The following TENM2 variants were observed in gnomAD, a reference collection of about 807,000 sequenced individuals.
TENM2 encodes the protein teneurin-2.
TENM2 carries 52 observed loss-of-function variants against 245.2 expected under a neutral mutation model. That is an observed-to-expected ratio of 0.21 (90% CI 0.17 to 0.27). The LOEUF (loss-of-function observed/expected upper bound fraction) is 0.27. Among genes scored for constraint, TENM2 ranks in the 10% least tolerant of loss-of-function variants. The pLI is 1.00. For synonymous variants in TENM2, 1,363 were observed against 1,438.9 expected, an observed-to-expected ratio of 0.95 and a Z score of 1.19; for missense variants, 3,046 against 3,666.8, an observed-to-expected ratio of 0.83 and a Z score of 4.37.
At chr5:167,983,550 G>A (rs192660318) in intron 4 of TENM2, among the ~76,000 whole-genome samples, 114 of 152,302 alleles carry the variant, frequency 7.5e-4, no homozygotes, top group Admixed American at 3.9e-3. Context: ...GAAAGGTTCA[G>A]GGATGAGAAA....
chr5:168,002,862 T>C (rs996737766), intron 5 of TENM2, among the ~76,000 whole-genome samples: 26 of 152,250 alleles, frequency 1.7e-4, no homozygotes, highest in Non-Finnish European at 2.8e-4. Flanking sequence ...CTGGTCGCAC[T>C]GTGTGCTGAA....
intron 5 of TENM2, among the ~76,000 whole-genome samples, chr5:168,018,220 C>A (rs1056074893): frequency 2.6e-5 from 4 of 152,212 alleles, no homozygotes; most frequent in Non-Finnish European, 5.9e-5. Flanking sequence ...CTCTTCTCCT[C>A]TCCACATTAA....
At chr5:167,031,590 GT>G in the TENM2 span, among the ~76,000 whole-genome samples, 1 of 152,066 alleles carries the variant, frequency 6.6e-6, no homozygotes, top group Non-Finnish European at 1.5e-5. Flanking sequence ...TTGAGATGGA[GT>G]TTTGTTCTTG....
At chr5:167,758,819 C>G (rs2150693996) in intron 2 of TENM2, among the ~76,000 whole-genome samples, 1 of 152,060 alleles carries the variant, frequency 6.6e-6, no homozygotes, top group South Asian at 2.1e-4. Flanking sequence ...TTATTAAACT[C>G]TCTCATATTG....
intron 2 of TENM2, among the ~76,000 whole-genome samples, chr5:167,627,174 A>T (rs190711219): frequency 6.6e-6 from 1 of 152,346 alleles, no homozygotes; most frequent in East Asian, 1.9e-4. Flanking sequence ...AAACCACTCT[A>T]ATGAATTAAT....
chr5:168,000,535 A>C (rs1345398953), intron 5 of TENM2, among the ~76,000 whole-genome samples: 1 of 152,240 alleles, frequency 6.6e-6, no homozygotes, highest in Non-Finnish European at 1.5e-5. Flanking sequence ...CCTACTTTGT[A>C]AACATGCCTC....
intron 4 of TENM2, among the ~76,000 whole-genome samples, chr5:167,990,335 G>T (rs1368728264): frequency 2.6e-5 from 4 of 152,180 alleles, no homozygotes; most frequent in Admixed American, 6.5e-5. Flanking sequence ...TAGCTCTGAA[G>T]AATTAATAAT....
intron 1 of TENM2, among the ~76,000 whole-genome samples, chr5:167,342,115 A>G (rs1163517658): frequency 6.6e-6 from 1 of 152,152 alleles, no homozygotes; most frequent in African/African-American, 2.4e-5. Flanking sequence ...ATAGTAATAC[A>G]TTATTATTAA....
In TENM2 at chr5:167,763,338, T is replaced by A. The variant is rs567947309; in HGVS notation, c.503-112648T>A. On this transcript the variant is annotated intron_variant, in intron 2 of 28. Coordinates refer to ENST00000518659, the Ensembl canonical transcript of TENM2. ...CAACAGGCTTTTCCCAGTTCACAAG[T>A]CTAAGTCATTTCATTCCTTCACATT... Among the ~76,000 whole-genome samples the A allele has an allele frequency of 8.3e-4, 127 of 152,296 alleles. 3 individuals are homozygous for A. In the South Asian group the frequency reaches 0.019, roughly 23 times the overall value.
chr5:167,075,086 A>G, the TENM2 span, among the ~76,000 whole-genome samples: 174 of 152,214 alleles, frequency 1.1e-3, no homozygotes, highest in Non-Finnish European at 6.5e-4. Flanking sequence ...AGAGTTGTCA[A>G]TTTTGGAAGA....
At chr5:167,994,295 GAGAAA>G (rs1431930841) in intron 5 of TENM2, among the ~76,000 whole-genome samples, 1 of 152,186 alleles carries the variant, frequency 6.6e-6, no homozygotes, top group African/African-American at 2.4e-5. Flanking sequence ...TCCCATTTAA[GAGAAA>G]AGAAAAGGCA....
intron 1 of TENM2, among the ~76,000 whole-genome samples, chr5:167,288,098 T>C (rs1380318251): frequency 1.3e-5 from 2 of 152,050 alleles, no homozygotes; most frequent in Non-Finnish European, 2.9e-5. Context: ...AAGAGCAATG[T>C]GATATACAAG....
chr5:166,986,363 G>A, the TENM2 span, among the ~76,000 whole-genome samples: 1 of 151,974 alleles, frequency 6.6e-6, no homozygotes. Flanking sequence ...CAGTTTAATG[G>A]GATCAATCTT....
the TENM2 span, among the ~76,000 whole-genome samples, chr5:166,980,910 C>A: frequency 6.6e-6 from 1 of 152,268 alleles, no homozygotes; most frequent in African/African-American, 2.4e-5. Context: ...TAGGTGGTTG[C>A]CACATCATAG....
At chr5:167,772,202 T>G (rs1224902042) in intron 2 of TENM2, among the ~76,000 whole-genome samples, 2 of 152,228 alleles carry the variant, frequency 1.3e-5, no homozygotes, top group East Asian at 3.8e-4. Context: ...TCCCTGGAAT[T>G]TAGGAGTGGT....
intron 2 of TENM2, among the ~76,000 whole-genome samples, chr5:167,382,205 T>C (rs1277677962): frequency 1.3e-5 from 2 of 152,272 alleles, no homozygotes. Flanking sequence ...ACCCCAGGGC[T>C]TTTCAGGAGG....
intron 2 of TENM2, among the ~76,000 whole-genome samples, chr5:167,861,857 G>T (rs547253715): frequency 6.6e-6 from 1 of 152,194 alleles, no homozygotes; most frequent in Admixed American, 6.5e-5. Flanking sequence ...TTGAAACAGG[G>T]CTTACTCTTG....
intron 20 of TENM2, among the ~76,000 whole-genome samples, chr5:168,214,032 G>T (rs1057189859): frequency 2.0e-5 from 3 of 152,192 alleles, no homozygotes; most frequent in African/African-American, 7.2e-5. Context: ...GCAGGGTTTT[G>T]AGCCAGAAGG....
intron 1 of TENM2, chr5:167,307,790 AG>A (rs1426692316): frequency 6.6e-6 from 1 of 152,248 alleles, no homozygotes; most frequent in African/African-American, 2.4e-5. Flanking sequence ...AGAAAGCACG[AG>A]CCGGAAATTC....
Sources: allele counts gnomAD v4.1 joint callset (sites outside exome capture counted in the v4.1 genomes callset), GRCh38; gene constraint gnomAD v4.1.1; transcripts MANE v1.5; gene names NCBI Gene and HGNC (gene_info 2026-07-23, HGNC 2026-07-21).